The following SH3GL2 variants were observed in gnomAD, a reference collection of about 807,000 sequenced individuals.
The protein encoded by SH3GL2 is endophilin-A1.
SH3GL2 carries 24 observed loss-of-function variants against 46.0 expected under a neutral mutation model. The observed-to-expected ratio is 0.52, with a 90% CI of 0.38 to 0.73. The LOEUF is 0.73. Ranked by LOEUF, SH3GL2 falls within the 30% of genes least tolerant of loss-of-function variation. The probability of loss-of-function intolerance (pLI) is 0.00; values close to 1 mark genes in which losing one functional copy is unlikely to be tolerated. For missense variants in SH3GL2, 413 were observed against 424.2 expected (o/e 0.97, Z 0.23); for synonymous variants, 196 against 147.1 (o/e 1.33, Z -2.40).
At chr9:17,625,765 G>C (rs943177657) in intron 1 of SH3GL2, among the ~76,000 whole-genome samples, 2 of 152,084 alleles carry the variant, frequency 1.3e-5, no homozygotes, top group Admixed American at 6.5e-5. Context: ...TAGGAGGTGG[G>C]GTAGATTTCT....
chr9:17,697,380 T>G (rs1400393508), intron 1 of SH3GL2, among the ~76,000 whole-genome samples: 3 of 151,392 alleles, frequency 2.0e-5, no homozygotes, highest in East Asian at 2.0e-4. Flanking sequence ...CACGCCACCA[T>G]GCCTGGCTAA....
chr9:17,694,573 T>C (rs1821158879), intron 1 of SH3GL2, among the ~76,000 whole-genome samples: 2 of 152,158 alleles, frequency 1.3e-5, no homozygotes, highest in African/African-American at 4.8e-5. Flanking sequence ...TCATTATTTT[T>C]CCCCTTCCAC....
At chr9:17,728,467 T>C (rs1822081504) in intron 1 of SH3GL2, among the ~76,000 whole-genome samples, 1 of 151,910 alleles carries the variant, frequency 6.6e-6, no homozygotes, top group African/African-American at 2.4e-5. Context: ...TAAAATTATT[T>C]ATGTATGTAT....
intron 3 of SH3GL2, among the ~76,000 whole-genome samples, chr9:17,782,867 C>T (rs542276902): frequency 1.3e-5 from 2 of 152,162 alleles, no homozygotes; most frequent in Non-Finnish European, 2.9e-5. Flanking sequence ...CCCTCTCTAA[C>T]GCACGCCAGC....
chr9:17,590,906 C>T (rs955943747), intron 1 of SH3GL2: 3 of 152,378 alleles, frequency 2.0e-5, no homozygotes, highest in Admixed American at 2.0e-4. Flanking sequence ...TACAGGCTCA[C>T]GTCACCACTC....
intron 1 of SH3GL2, among the ~76,000 whole-genome samples, chr9:17,709,621 CATT>C (rs1329662182): frequency 6.6e-6 from 1 of 150,458 alleles, no homozygotes; most frequent in East Asian, 1.9e-4. Context: ...AAACGTTTCT[CATT>C]ATATTAACAT....
rs1818421531 is a variant in SH3GL2, at chr9:17,588,551, A to G, written c.45+9264A>G. Among the ~76,000 whole-genome samples the G allele has an allele frequency of 2.0e-5, 3 of 152,164 alleles. No homozygotes were observed. The South Asian group carries it at 6.2e-4, about 32-fold the overall frequency. ...AAGAGGGAGGGGCCATGTGAGTAGT[A>G]ATGCAGGCAGCCTCTAGGAGCAGAA... On this transcript the variant is annotated intron_variant, in intron 1 of 8. Coordinates refer to ENST00000380607, the MANE Select transcript of SH3GL2 (RefSeq NM_003026.5).
At chr9:17,645,129 G>T (rs1426542454) in intron 1 of SH3GL2, among the ~76,000 whole-genome samples, 1 of 131,532 alleles carries the variant, frequency 7.6e-6, no homozygotes, top group Non-Finnish European at 1.6e-5. Context: ...TGTTTTATCA[G>T]AGACTAGGAT....
chr9:17,680,402 C>G (rs1457954731), intron 1 of SH3GL2, among the ~76,000 whole-genome samples: 2 of 152,106 alleles, frequency 1.3e-5, no homozygotes, highest in African/African-American at 2.4e-5. Flanking sequence ...TCTAGATTTT[C>G]TAGTTTATTT....
chr9:17,594,777 A>G (rs1179747396), intron 1 of SH3GL2, among the ~76,000 whole-genome samples: 2 of 152,196 alleles, frequency 1.3e-5, no homozygotes, highest in African/African-American at 4.8e-5. Context: ...GCCATTCTAT[A>G]CTTCATTCTG....
intron 1 of SH3GL2, among the ~76,000 whole-genome samples, chr9:17,668,440 G>C (rs1820395661): frequency 6.6e-6 from 1 of 152,060 alleles, no homozygotes; most frequent in South Asian, 2.1e-4. Context: ...AAAATTTATG[G>C]ATTTGTCATT....
At chr9:17,645,463 A>G (rs113560887) in intron 1 of SH3GL2, among the ~76,000 whole-genome samples, 7 of 152,150 alleles carry the variant, frequency 4.6e-5, no homozygotes, top group African/African-American at 1.7e-4. Context: ...TTTGTTCATA[A>G]TGTTGACGTT....
Position 17,644,414 on chromosome 9 carries a change from G to A in SH3GL2, c.45+65127G>A, listed in dbSNP as rs1005126933. The stretch of plus-strand genomic sequence containing the variant: ...TTGCTTCTGTAGTTCTTCTAATTGT[G>A]ATGTTAGGGTGTTGATTTTAGATCT... On this transcript the variant is annotated intron_variant, in intron 1 of 8. Transcript: ENST00000380607. 2.0e-5 allele frequency among the ~76,000 whole-genome samples: 3 copies of A among 152,266 alleles called. No individual in the cohort carries two copies. In the East Asian group the frequency reaches 5.8e-4, roughly 29 times the overall value.
At chr9:17,687,696 A>C (rs1820957623) in intron 1 of SH3GL2, among the ~76,000 whole-genome samples, 1 of 151,442 alleles carries the variant, frequency 6.6e-6, no homozygotes, top group African/African-American at 2.4e-5. Context: ...CCTGGTGATA[A>C]AGTTTAAGTC....
At chr9:17,742,632 T>G (rs537554698) in intron 1 of SH3GL2, among the ~76,000 whole-genome samples, 2 of 152,320 alleles carry the variant, frequency 1.3e-5, no homozygotes, top group Admixed American at 1.3e-4. Context: ...GCAGTGAAAT[T>G]CAACAAATCT....
intron 1 of SH3GL2, among the ~76,000 whole-genome samples, chr9:17,679,254 C>T (rs1820700063): frequency 6.6e-6 from 1 of 152,280 alleles, no homozygotes; most frequent in African/African-American, 2.4e-5. Flanking sequence ...TTGATTCTTC[C>T]TATCCATGAG....
intron 1 of SH3GL2, among the ~76,000 whole-genome samples, chr9:17,680,342 C>T (rs1394497340): frequency 6.6e-6 from 1 of 152,066 alleles, no homozygotes; most frequent in African/African-American, 2.4e-5. Context: ...TCAACTTCTT[C>T]CTGGTTTAGT....
At chr9:17,745,156 T>C (rs568746064) in intron 1 of SH3GL2, among the ~76,000 whole-genome samples, 27 of 152,318 alleles carry the variant, frequency 1.8e-4, no homozygotes, top group Admixed American at 3.9e-4. Context: ...TTCTATATAG[T>C]TCTCTGGGTA....
At chr9:17,780,470 T>G (rs1390405727) in intron 3 of SH3GL2, among the ~76,000 whole-genome samples, 1 of 74,644 alleles carries the variant, frequency 1.3e-5, no homozygotes, top group African/African-American at 6.0e-5. Context: ...AATAGCACAG[T>G]TTTTTTTTTT....
Sources: gnomAD v4.1 joint callset for allele counts (sites outside exome capture counted in the v4.1 genomes callset) on GRCh38, gnomAD v4.1.1 for gene constraint, MANE v1.5 for transcripts, NCBI Gene and HGNC (gene_info 2026-07-23, HGNC 2026-07-21) for gene names.